The following TENM4 variants were observed in gnomAD, a reference collection of about 807,000 sequenced individuals.
TENM4 encodes teneurin-4.
In TENM4, 82 loss-of-function variants were observed where a neutral mutation model predicts 243.3. The ratio of observed to expected loss-of-function variants is 0.34; its 90% CI spans 0.28 to 0.40. The LOEUF (loss-of-function observed/expected upper bound fraction) is 0.40, where lower values mean the gene tolerates loss of function less well. TENM4 is among the 10% of genes least tolerant of loss of function. The pLI, the probability that TENM4 is intolerant of heterozygous loss-of-function variation, is 1.00. For missense variants in TENM4, 3,138 were observed against 3,673.3 expected (o/e 0.85, Z 3.77); for synonymous variants, 1,412 against 1,456.3 (o/e 0.97, Z 0.69).
intron 6 of TENM4, among the ~76,000 whole-genome samples, chr11:79,018,255 C>T (rs184796310): frequency 4.6e-5 from 7 of 152,264 alleles, no homozygotes; most frequent in East Asian, 3.9e-4. Context: ...TTATTAGCAG[C>T]GATCCCATTC....
At chr11:79,135,972 AG>A (rs1039491179) in intron 4 of TENM4, among the ~76,000 whole-genome samples, 2 of 151,850 alleles carry the variant, frequency 1.3e-5, no homozygotes, top group African/African-American at 4.8e-5. Flanking sequence ...CACTGGTATG[AG>A]GGAGCTAAGC....
At chr11:79,255,443 T>A (rs1855683785) in intron 2 of TENM4, among the ~76,000 whole-genome samples, 1 of 152,198 alleles carries the variant, frequency 6.6e-6, no homozygotes, top group Admixed American at 6.5e-5. Flanking sequence ...TATTTATACA[T>A]GCAAAGAAGC....
chr11:78,712,927 C>T (rs1041211507), intron 25 of TENM4, among the ~76,000 whole-genome samples: 1 of 133,258 alleles, frequency 7.5e-6, no homozygotes, highest in African/African-American at 3.8e-5. Context: ...AAACCCCTTG[C>T]AATTCTTGCA....
At chr11:79,164,527 TA>T (rs1227636843) in intron 3 of TENM4, among the ~76,000 whole-genome samples, 5 of 122,718 alleles carry the variant, frequency 4.1e-5, no homozygotes, top group African/African-American at 1.7e-4. Flanking sequence ...ACTATATATA[TA>T]CTATATAGTA....
intron 6 of TENM4, among the ~76,000 whole-genome samples, chr11:78,998,333 C>G (rs550448455): frequency 4.6e-5 from 7 of 152,160 alleles, no homozygotes; most frequent in African/African-American, 1.7e-4. Context: ...ATGGCACTAA[C>G]AACATTGCTC....
chr11:78,883,998 A>G (rs1040355866), intron 9 of TENM4, among the ~76,000 whole-genome samples: 2 of 152,252 alleles, frequency 1.3e-5, no homozygotes, highest in Non-Finnish European at 2.9e-5. Flanking sequence ...ACTCTGTTAC[A>G]TGAGATGCTA....
chr11:79,100,829 C>T (rs1861212353), intron 4 of TENM4, among the ~76,000 whole-genome samples: 1 of 152,140 alleles, frequency 6.6e-6, no homozygotes, highest in Admixed American at 6.5e-5. Context: ...AGGTATTTAG[C>T]AGGGGTGTTC....
At chr11:78,784,143 T>G (rs1856890160) in intron 16 of TENM4, among the ~76,000 whole-genome samples, 1 of 152,348 alleles carries the variant, frequency 6.6e-6, no homozygotes, top group Non-Finnish European at 1.5e-5. Context: ...TATTGTATGA[T>G]AATGAAATCT....
At chr11:79,309,074 C>A (rs900318043) in intron 1 of TENM4, among the ~76,000 whole-genome samples, 2 of 152,082 alleles carry the variant, frequency 1.3e-5, no homozygotes, top group Non-Finnish European at 2.9e-5. Flanking sequence ...CTCTAGAACT[C>A]ATGCCCTTCT....
intron 3 of TENM4, among the ~76,000 whole-genome samples, chr11:79,173,867 G>A (rs1276742153): frequency 6.6e-6 from 1 of 152,208 alleles, no homozygotes; most frequent in African/African-American, 2.4e-5. Flanking sequence ...CCAGAAGAAT[G>A]TCTTCAGGAA....
intron 30 of TENM4, 40 bp downstream of exon 30, chr11:78,676,112 T>C: frequency 2.1e-6 from 3 of 1,434,048 alleles, no homozygotes; most frequent in Non-Finnish European, 2.8e-6. Context: ...TCCCCATTCT[T>C]TCCCCCCAGG....
chr11:78,977,294 C>T (rs1376950719), intron 6 of TENM4, among the ~76,000 whole-genome samples: 1 of 152,236 alleles, frequency 6.6e-6, no homozygotes, highest in Admixed American at 6.5e-5. Context: ...TGCAACAACA[C>T]TGTTTTCACA....
intron 6 of TENM4, among the ~76,000 whole-genome samples, chr11:78,980,219 G>A (rs1305640220): frequency 3.3e-5 from 5 of 152,116 alleles, no homozygotes; most frequent in African/African-American, 1.2e-4. Context: ...ACTATTGATC[G>A]AGCACTTTCT....
Position 78,793,808 on chromosome 11 carries a change from AGAAATGAAAGGT to A in TENM4, c.2180-6737_2180-6726del, listed in dbSNP as rs542289347. On this transcript the variant is annotated intron_variant, in intron 15 of 33. Transcript: ENST00000278550. ...ATTAAGTGCTCAAAGGTACTTAGCT[AGAAATGAAAGGT>A]GACTGTGATTCACATGATTTTTGGC... Among the ~76,000 whole-genome samples the A allele has an allele frequency of 8.5e-5, 13 of 152,354 alleles. No homozygotes were observed. In the South Asian group the frequency reaches 2.7e-3, roughly 32 times the overall value.
At chr11:79,425,335 A>C (rs1859026419) in intron 1 of TENM4, among the ~76,000 whole-genome samples, 1 of 152,114 alleles carries the variant, frequency 6.6e-6, no homozygotes, top group Non-Finnish European at 1.5e-5. Flanking sequence ...CTCCAATGAC[A>C]GGGAGCTCAC....
chr11:79,421,480 T>C (rs956166454), intron 1 of TENM4, among the ~76,000 whole-genome samples: 2 of 152,248 alleles, frequency 1.3e-5, no homozygotes, highest in South Asian at 4.1e-4. Context: ...GTGATTTTTA[T>C]TGAAACTATA....
At chr11:78,922,817 G>A (rs1313678339) in intron 6 of TENM4, among the ~76,000 whole-genome samples, 2 of 152,160 alleles carry the variant, frequency 1.3e-5, no homozygotes, top group African/African-American at 2.4e-5. Context: ...TGCACCCGGA[G>A]GTAGAAGACT....
Position 79,304,234 on chromosome 11 carries a change from G to A in TENM4, c.-320-6691C>T, listed in dbSNP as rs117582644. The stretch of plus-strand genomic sequence containing the variant: ...GGTGCAAGCTAATGTCTTCTTTCTG[G>A]AAGTCTCTGCTCTCCCTGCTCACAA... On this transcript the variant is annotated intron_variant, in intron 1 of 33. Transcript: ENST00000278550. Among the ~76,000 whole-genome samples, 46 of 152,304 alleles carry A rather than the reference G, an allele frequency of 3.0e-4. No homozygotes were observed. In the East Asian group the frequency reaches 8.5e-3, roughly 28 times the overall value.
chr11:79,216,078 G>A (rs1184027747), intron 2 of TENM4, among the ~76,000 whole-genome samples, 169 bp from the exon 3 acceptor site: 1 of 152,202 alleles, frequency 6.6e-6, no homozygotes, highest in African/African-American at 2.4e-5. Flanking sequence ...CTGGCACCCT[G>A]CAAATCCCAC....
Sources: allele counts gnomAD v4.1 joint callset (sites outside exome capture counted in the v4.1 genomes callset), GRCh38; gene constraint gnomAD v4.1.1; transcripts MANE v1.5; gene names NCBI Gene and HGNC (gene_info 2026-07-23, HGNC 2026-07-21).